Variants in CNDP2 observed in about 807,000 individuals in gnomAD.
The protein encoded by CNDP2 is carnosine dipeptidase 2.
A neutral mutation model predicts 55.0 loss-of-function variants in CNDP2; 38 were observed. The observed-to-expected ratio is 0.69, with a 90% CI of 0.53 to 0.90. The LOEUF (loss-of-function observed/expected upper bound fraction) is 0.90, where lower values mean the gene tolerates loss of function less well. CNDP2 is among the 40% of genes least tolerant of loss of function. The probability of loss-of-function intolerance (pLI) is 0.00; values close to 1 mark genes in which losing one functional copy is unlikely to be tolerated. For missense variants in CNDP2, 607 were observed against 621.7 expected, an observed-to-expected ratio of 0.98 and a Z score of 0.25; for synonymous variants, 241 against 260.2, an observed-to-expected ratio of 0.93 and a Z score of 0.71.
chr18:74,508,024 T>C lies in CNDP2; in HGVS notation c.368-816T>C, dbSNP rs1599064723. 3 of 152,402 alleles carry C rather than the reference T, an allele frequency of 2.0e-5. No homozygotes were observed. In the East Asian group the frequency reaches 5.8e-4, roughly 29 times the overall value. 9.4% of individuals were successfully genotyped at this position (152,402 alleles called of 1,614,324 possible). ...CAGGTGGTGATGACTTTCAGCCTCA[T>C]ACTACCTTGGGCTGGGGCCTGCTGA... On this transcript the variant is annotated intron_variant, in intron 4 of 11. Transcript: ENST00000324262.
At chr18:74,500,164 C>T (rs1978613679) in intron 2 of CNDP2, 131 bp downstream of exon 2, 6 of 682,936 alleles carry the variant, frequency 8.8e-6, no homozygotes, top group Non-Finnish European at 1.4e-5. Context: ...GAGATCTGTT[C>T]ATTAGCTTCT....
intron 3 of CNDP2, among the ~76,000 whole-genome samples, chr18:74,503,728 G>T (rs1978841427): frequency 6.6e-6 from 1 of 152,274 alleles, no homozygotes; most frequent in Non-Finnish European, 1.5e-5. Context: ...GGCTGTCCTG[G>T]TGAGAACTGA....
chr18:74,519,993 TACCAGGTATAACTACATAGAGGGAACC>T lies in CNDP2; in HGVS notation c.1359-4_1381del. On this transcript the variant is annotated splice_acceptor_variant and splice_polypyrimidine_tract_variant and coding_sequence_variant and intron_variant, in exon 12 of 12. Coordinates refer to ENST00000324262, the MANE Select transcript of CNDP2 (RefSeq NM_018235.3). LOFTEE classifies it high-confidence loss of function. ...GCCAACACAATGATGTGTTCCTCTCTACCAGGTATAACTACATAGAGGGAACCAAGATGCTGGCCGCGTACCTGTATG... is the reference window on the plus strand; with the variant it reads ...GCCAACACAATGATGTGTTCCTCTCTAAGATGCTGGCCGCGTACCTGTATG... 1 of 1,613,632 alleles carries T rather than the reference TACCAGGTATAACTACATAGAGGGAACC, an allele frequency of 6.2e-7. No individual in the cohort carries two copies. The highest frequency in any genetic ancestry group is 8.5e-7 in the Non-Finnish European group (1 of 1,179,770).
At position 74,513,721 on chromosome 18, in the gene CNDP2, T is replaced by C; in HGVS notation, c.903+2T>C. ...CAGATCCTCCTGCACAGCCACAAGG[T>C]CTGGTTCAGGGCTCGACTCTGCCAC... On this transcript the variant is annotated splice_donor_variant, in intron 8 of 11. Coordinates refer to ENST00000324262, the MANE Select transcript of CNDP2 (RefSeq NM_018235.3). LOFTEE classifies it high-confidence loss of function. 9.3e-6 allele frequency: 15 copies of C among 1,613,186 alleles called. No homozygotes were observed. The highest frequency in any genetic ancestry group is 1.3e-5 in the Non-Finnish European group (15 of 1,179,496).
In CNDP2 at chr18:74,520,145, A is replaced by C. The variant is rs1164011019; in HGVS notation, c.*77A>C. The stretch of plus-strand genomic sequence containing the variant: ...CACCCTTTTCCAACTTGCCCAGGGA[A>C]GTGGAGGTTCCCTCTTTCCTTTCCC... On this transcript the variant is annotated 3_prime_UTR_variant, in exon 12 of 12. Transcript: ENST00000324262. 7.1e-7 allele frequency: 1 copy of C among 1,404,706 alleles called. No individual in the cohort carries two copies. The highest frequency in any genetic ancestry group is 1.0e-6 in the Non-Finnish European group (1 of 995,716). 87.0% of individuals were successfully genotyped at this position (1,404,706 alleles called of 1,614,324 possible). A position where few individuals can be genotyped will look rare whatever the true frequency, so the allele number is the denominator to read the frequency against.
Position 74,520,554 on chromosome 18 carries a change from G to A in CNDP2, c.*486G>A, listed in dbSNP as rs1289341730. The A allele has an allele frequency of 1.2e-5, 2 of 161,564 alleles. No homozygotes were observed. Among genetic ancestry groups the A allele is most frequent in the Non-Finnish European group, 2.7e-5 (2 of 74,440 alleles). The allele number at this position is 161,564 out of a possible 1,614,324, so 10.0% of individuals were successfully genotyped here. A position where few individuals can be genotyped will look rare whatever the true frequency, so the allele number is the denominator to read the frequency against. ...GCCTGTAGTCCCAGCCACTCAGAAGGCTGAGGCAGGAGGATCGCTTGAGAC... is the reference window on the plus strand; with the variant it reads ...GCCTGTAGTCCCAGCCACTCAGAAGACTGAGGCAGGAGGATCGCTTGAGAC... On this transcript the variant is annotated 3_prime_UTR_variant, in exon 12 of 12. Transcript: ENST00000324262.
intron 7 of CNDP2, among the ~76,000 whole-genome samples, chr18:74,513,036 A>G (rs1053138991): frequency 6.6e-6 from 1 of 151,888 alleles, no homozygotes; most frequent in Admixed American, 6.6e-5. Context: ...CAAGCTCTCC[A>G]TTCCTCCCTG....
At chr18:74,508,510 G>T (rs1184906266) in intron 4 of CNDP2, 3 of 250,094 alleles carry the variant, frequency 1.2e-5, no homozygotes, top group African/African-American at 4.3e-5. Context: ...GGGTTTTAAT[G>T]AACTAAGCAG....
chr18:74,518,345 C>T, intron 9 of CNDP2, 154 bp from the exon 10 acceptor site: 2 of 676,484 alleles, frequency 3.0e-6, no homozygotes, highest in Non-Finnish European at 5.0e-6. Context: ...GAAAATGAGA[C>T]TCATCGTAGA....
At chr18:74,516,171 C>T in intron 8 of CNDP2, 57 bp from the exon 9 acceptor site, 2 of 1,518,104 alleles carry the variant, frequency 1.3e-6, no homozygotes, top group South Asian at 1.3e-5. Flanking sequence ...CCTCGGTGAG[C>T]AGACAGGGCT....
At position 74,520,010 on chromosome 18, in the gene CNDP2, T is replaced by C. The variant is rs776580554; in HGVS notation, c.1370T>C (p.Ile457Thr). 2.5e-6 allele frequency: 4 copies of C among 1,613,798 alleles called. No individual in the cohort carries two copies. In the African/African-American group the frequency reaches 4.0e-5, roughly 16 times the overall value. ...QNEKLNRYNY[I>T]EGTKMLAAYL... ...TTCCTCTCTACCAGGTATAACTACA[T>C]AGAGGGAACCAAGATGCTGGCCGCG... The change falls in exon 12 of 12, where the codon ATA becomes ACA. Residue 457 changes from isoleucine to threonine, a missense_variant. Coordinates refer to ENST00000324262, the MANE Select transcript of CNDP2 (RefSeq NM_018235.3).
intron 8 of CNDP2, 115 bp from the exon 9 acceptor site, chr18:74,516,113 G>A: frequency 3.4e-6 from 4 of 1,183,370 alleles, no homozygotes; most frequent in Non-Finnish European, 4.7e-6. Context: ...AGGCTCCTGG[G>A]CCAGGCCCTG....
At chr18:74,501,028 G>A (rs1978662173) in intron 2 of CNDP2, 2 of 353,174 alleles carry the variant, frequency 5.7e-6, no homozygotes, top group Non-Finnish European at 8.5e-6. Flanking sequence ...GCCCGGGTCC[G>A]GTTTTGGGCC....
chr18:74,519,951 G>A (rs1049013696), intron 11 of CNDP2, 48 bp from the exon 12 acceptor site: 1 of 1,572,908 alleles, frequency 6.4e-7, no homozygotes, highest in Non-Finnish European at 8.7e-7. Context: ...ACACCTGGGT[G>A]TTGGCTCACG....
intron 10 of CNDP2, 117 bp downstream of exon 10, chr18:74,518,757 T>C: frequency 6.8e-7 from 1 of 1,468,560 alleles, no homozygotes; most frequent in Non-Finnish European, 9.4e-7. Flanking sequence ...CGTGGGGGCG[T>C]GTAGTTAAGT....
rs370820197 is a variant in CNDP2 at position 74,511,021 on chromosome 18, G to A, written c.657+8G>A. The A allele has an allele frequency of 6.2e-7, 1 of 1,610,856 alleles. No individual in the cohort carries two copies. Among genetic ancestry groups the A allele is most frequent in the South Asian group, 1.1e-5 (1 of 90,942 alleles). On this transcript the variant is annotated splice_region_variant and intron_variant, in intron 6 of 11. Coordinates refer to ENST00000324262, the MANE Select transcript of CNDP2 (RefSeq NM_018235.3). ...TGCTACTTTTTCATCGAGGTACAGT[G>A]CCAAGCTGTACGGGTCACTTCTTTC...
intron 4 of CNDP2, 32 bp downstream of exon 4, chr18:74,506,043 G>A (rs34780792): frequency 0.2 from 299,884 of 1,519,968 alleles, 30,878 homozygotes; most frequent in Admixed American, 0.31. Flanking sequence ...GTGCCCAGAG[G>A]AAAGGCACTG....
chr18:74,504,168 T>G (rs187532572), intron 3 of CNDP2, among the ~76,000 whole-genome samples: 1 of 116,554 alleles, frequency 8.6e-6, no homozygotes, highest in African/African-American at 3.3e-5. Flanking sequence ...CGTCAGGCCA[T>G]ACACTGCACA....
rs182390578 is a variant in CNDP2 at position 74,508,836 on chromosome 18, C to G, written c.368-4C>G. The stretch of plus-strand genomic sequence containing the variant: ...CTTTATGAATTTGTGGATTGCTGTT[C>G]TAGGCAAGCTGTATGGGAGAGGTTC... On this transcript the variant is annotated splice_region_variant and splice_polypyrimidine_tract_variant and intron_variant, in intron 4 of 11. Coordinates refer to ENST00000324262, the MANE Select transcript of CNDP2 (RefSeq NM_018235.3). The G allele has an allele frequency of 9.0e-5, 145 of 1,613,506 alleles. No homozygotes were observed. In the East Asian group the frequency reaches 2.2e-3, roughly 25 times the overall value.
Sources: allele counts gnomAD v4.1 joint callset (sites outside exome capture counted in the v4.1 genomes callset), GRCh38; gene constraint gnomAD v4.1.1; transcripts MANE v1.5; gene names NCBI Gene and HGNC (gene_info 2026-07-23, HGNC 2026-07-21).